DAAM1: variants seen among roughly 807,000 people sequenced by gnomAD.
DAAM1 encodes disheveled-associated activator of morphogenesis 1.
Under a neutral mutation model 130.0 loss-of-function variants are expected in DAAM1, and 52 were observed. The observed-to-expected ratio is 0.40, with a 90% CI of 0.32 to 0.50. The LOEUF is 0.50. Among genes scored for constraint, DAAM1 ranks in the 20% least tolerant of loss-of-function variants. The pLI, the probability that DAAM1 is intolerant of heterozygous loss-of-function variation, is 0.61. For missense variants in DAAM1, 1,134 were observed against 1,303.8 expected, an observed-to-expected ratio of 0.87 and a Z score of 2.01; for synonymous variants, 452 against 444.5, an observed-to-expected ratio of 1.02 and a Z score of -0.21.
At chr14:59,238,742 A>T (rs1793529910) in intron 1 of DAAM1, among the ~76,000 whole-genome samples, 1 of 152,206 alleles carries the variant, frequency 6.6e-6, no homozygotes, top group Admixed American at 6.5e-5. Context: ...GAAACACTAT[A>T]ATATTACTTC....
chr14:59,263,715 G>A (rs767173991), intron 2 of DAAM1, 55 bp downstream of exon 2: 5 of 1,609,232 alleles, frequency 3.1e-6, no homozygotes, highest in Non-Finnish European at 4.2e-6. Flanking sequence ...AGGAGAAGAG[G>A]AGAGGATGTG....
intron 1 of DAAM1, among the ~76,000 whole-genome samples, chr14:59,199,087 T>G (rs903732280): frequency 6.6e-6 from 1 of 152,146 alleles, no homozygotes; most frequent in East Asian, 1.9e-4. Flanking sequence ...TTTTCAGCCT[T>G]GGCTGCCCCT....
At chr14:59,208,272 GA>G (rs1316767271) in intron 1 of DAAM1, among the ~76,000 whole-genome samples, 1 of 152,130 alleles carries the variant, frequency 6.6e-6, no homozygotes, top group African/African-American at 2.4e-5. Context: ...CTTAAAAATT[GA>G]ATTCCTGGCC....
chr14:59,361,146 G>A (rs922980651), intron 22 of DAAM1, among the ~76,000 whole-genome samples: 28 of 152,130 alleles, frequency 1.8e-4, no homozygotes, highest in Non-Finnish European at 3.1e-4. Context: ...CAGGATGAGT[G>A]GGCTGGGCTA....
At chr14:59,189,244 G>C (rs1468144976) in intron 1 of DAAM1, among the ~76,000 whole-genome samples, 2 of 152,188 alleles carry the variant, frequency 1.3e-5, no homozygotes, top group African/African-American at 4.8e-5. Flanking sequence ...GGTGGCGACA[G>C]GGAAGGAGGG....
At chr14:59,219,546 T>C (rs1424455392) in intron 1 of DAAM1, among the ~76,000 whole-genome samples, 2 of 152,166 alleles carry the variant, frequency 1.3e-5, no homozygotes, top group Admixed American at 1.3e-4. Flanking sequence ...TGCTTATAAT[T>C]GGTGGTGCTT....
At chr14:59,343,930 CGTTCCTCA>C (rs2139654925) in intron 16 of DAAM1, among the ~76,000 whole-genome samples, 1 of 152,312 alleles carries the variant, frequency 6.6e-6, no homozygotes, top group South Asian at 2.1e-4. Flanking sequence ...GTCTTAGAGA[CGTTCCTCA>C]GGTCCTCAGG....
At chr14:59,292,216 T>C (rs1883768802) in intron 3 of DAAM1, among the ~76,000 whole-genome samples, 1 of 152,178 alleles carries the variant, frequency 6.6e-6, no homozygotes. Context: ...CACCTAGCTC[T>C]CCATCAGGCA....
intron 1 of DAAM1, among the ~76,000 whole-genome samples, chr14:59,203,230 G>T (rs55649771): frequency 7.0e-6 from 1 of 143,276 alleles, no homozygotes; most frequent in Admixed American, 7.4e-5. Flanking sequence ...GCATGGTCTC[G>T]ATCTCCTGAC....
intron 5 of DAAM1, among the ~76,000 whole-genome samples, chr14:59,320,926 GT>G (rs1884981519): frequency 6.6e-6 from 1 of 152,154 alleles, no homozygotes; most frequent in Non-Finnish European, 1.5e-5. Context: ...GTTAAATATA[GT>G]GTTGCCATAT....
intron 2 of DAAM1, among the ~76,000 whole-genome samples, chr14:59,289,112 T>C (rs1033565962): frequency 5.9e-5 from 9 of 152,124 alleles, no homozygotes; most frequent in African/African-American, 2.2e-4. Flanking sequence ...AGACAGGGTT[T>C]CACCATGTTG....
At chr14:59,311,727 T>A (rs1044505337) in intron 3 of DAAM1, among the ~76,000 whole-genome samples, 10 of 152,324 alleles carry the variant, frequency 6.6e-5, no homozygotes, top group African/African-American at 2.2e-4. Context: ...GCTTGTCTTT[T>A]CTTTATTGTT....
At chr14:59,224,637 T>C (rs1039569092) in intron 1 of DAAM1, among the ~76,000 whole-genome samples, 1 of 152,244 alleles carries the variant, frequency 6.6e-6, no homozygotes, top group Non-Finnish European at 1.5e-5. Context: ...GAGTTGGTAC[T>C]GGATTGAGTT....
chr14:59,202,551 A>G (rs1020172330), intron 1 of DAAM1, among the ~76,000 whole-genome samples: 1 of 152,222 alleles, frequency 6.6e-6, no homozygotes, highest in Non-Finnish European at 1.5e-5. Context: ...TTGAGCGTAT[A>G]CATTTCAGAA....
chr14:59,325,534 T>G (rs534796601), intron 8 of DAAM1, 130 bp from the exon 9 acceptor site: 47 of 762,900 alleles, frequency 6.2e-5, no homozygotes, highest in African/African-American at 5.8e-4. Flanking sequence ...GCTTTCAAAT[T>G]TTGTTACATT....
chr14:59,233,765 T>C (rs576139736), intron 1 of DAAM1, among the ~76,000 whole-genome samples: 36 of 152,340 alleles, frequency 2.4e-4, no homozygotes, highest in Admixed American at 1.1e-3. Flanking sequence ...TTTTATGGTT[T>C]TGAGTTTTAC....
At chr14:59,229,199 C>T (rs900583339) in intron 1 of DAAM1, among the ~76,000 whole-genome samples, 3 of 152,160 alleles carry the variant, frequency 2.0e-5, no homozygotes, top group Admixed American at 2.0e-4. Flanking sequence ...CAAAGACACT[C>T]CCACTTTTCA....
chr14:59,347,774 A>G, intron 17 of DAAM1, 151 bp downstream of exon 17: 1 of 683,290 alleles, frequency 1.5e-6, no homozygotes, highest in Non-Finnish European at 2.5e-6. Flanking sequence ...TCTGTTAGGA[A>G]ACTTAATGAC....
chr14:59,227,027 A>C (rs1426590048), intron 1 of DAAM1, among the ~76,000 whole-genome samples: 1 of 152,210 alleles, frequency 6.6e-6, no homozygotes, highest in Non-Finnish European at 1.5e-5. Context: ...TACTTTAATT[A>C]AAATGCCTAG....
Sources: gnomAD v4.1 joint callset for allele counts (sites outside exome capture counted in the v4.1 genomes callset) on GRCh38, gnomAD v4.1.1 for gene constraint, MANE v1.5 for transcripts, NCBI Gene and HGNC (gene_info 2026-07-23, HGNC 2026-07-21) for gene names.